The following PRDM11 variants were observed in gnomAD, a reference collection of about 807,000 sequenced individuals.
PRDM11 encodes PR domain-containing protein 11.
PRDM11 carries 20 observed loss-of-function variants against 97.8 expected under a neutral mutation model. The observed-to-expected ratio is 0.20, with a 90% confidence interval of 0.14 to 0.30. The LOEUF (loss-of-function observed/expected upper bound fraction) is 0.30, where lower values mean the gene tolerates loss of function less well. Ranked by LOEUF, PRDM11 falls within the 10% of genes least tolerant of loss-of-function variation. The probability of loss-of-function intolerance (pLI) is 1.00; values close to 1 mark genes in which losing one functional copy is unlikely to be tolerated. For missense variants in PRDM11, 1,139 were observed against 1,555.2 expected (o/e 0.73, Z 4.50); for synonymous variants, 599 against 637.7 (o/e 0.94, Z 0.91).
intron 4 of PRDM11, among the ~76,000 whole-genome samples, chr11:45,197,491 TA>T (rs1431589329): frequency 6.6e-6 from 1 of 152,024 alleles, no homozygotes; most frequent in Admixed American, 6.6e-5. Flanking sequence ...GATCTTATGT[TA>T]AGTATTATCA....
At position 45,219,448 on chromosome 11, in the gene PRDM11, C is replaced by A; in HGVS notation, c.555-122C>A. The A allele has an allele frequency of 1.0e-6, 1 of 960,864 alleles. No individual in the cohort carries two copies. The highest frequency in any genetic ancestry group is 1.5e-6 in the Non-Finnish European group (1 of 650,720). 59.5% of individuals were successfully genotyped at this position (960,864 alleles called of 1,614,324 possible). A position where few individuals can be genotyped will look rare whatever the true frequency, so the allele number is the denominator to read the frequency against. ...ACAGGGCAGCTGCTCTGCTGATGTT[C>A]ACATGGGCCCACGTGCCTGTGGACT... On this transcript the variant is annotated intron_variant, in intron 5 of 7. Transcript: ENST00000683152. This position sits in a 1 kb window ranked among gnomAD's most constrained non-coding sequence, Gnocchi z 4.2.
chr11:45,109,572 G>C (rs975380047), intron 1 of PRDM11, among the ~76,000 whole-genome samples: 3 of 152,196 alleles, frequency 2.0e-5, no homozygotes, highest in African/African-American at 7.2e-5. Context: ...ATCCTGCGGA[G>C]GAGGGAGAGT....
intron 1 of PRDM11, among the ~76,000 whole-genome samples, chr11:45,113,809 TGTGTGTGTGTGTGTGTTTTG>T (rs1852238768): frequency 7.0e-6 from 1 of 142,606 alleles, no homozygotes; most frequent in African/African-American, 2.6e-5. Context: ...TGTGTGTGTG[TGTGTGTGTGTGTGTGTTTTG>T]TTTTTTTTTT....
intron 6 of PRDM11, 84 bp from the exon 7 acceptor site, chr11:45,224,133 A>T: frequency 6.8e-7 from 1 of 1,460,258 alleles, no homozygotes; most frequent in South Asian, 1.4e-5. Flanking sequence ...CAGGTGACCT[A>T]ACAGGAGGCC....
intron 4 of PRDM11, among the ~76,000 whole-genome samples, chr11:45,186,012 A>G (rs1240431721): frequency 1.3e-5 from 2 of 152,000 alleles, no homozygotes; most frequent in African/African-American, 2.4e-5. Context: ...CAAGGGATGC[A>G]GGCAGCTTCT....
At chr11:45,216,352 T>C (rs1404694389) in intron 5 of PRDM11, 3 of 152,300 alleles carry the variant, frequency 2.0e-5, no homozygotes, top group Non-Finnish European at 4.4e-5. Flanking sequence ...AGTGGATAGA[T>C]TTTGCCCCTC....
intron 4 of PRDM11, among the ~76,000 whole-genome samples, chr11:45,199,925 A>G (rs900319194): frequency 6.6e-6 from 1 of 152,192 alleles, no homozygotes; most frequent in Non-Finnish European, 1.5e-5. Flanking sequence ...TCCCAGGTCC[A>G]GGGCTGCAGC....
chr11:45,136,425 C>T (rs2135658315), intron 1 of PRDM11, among the ~76,000 whole-genome samples: 1 of 152,224 alleles, frequency 6.6e-6, no homozygotes, highest in Middle Eastern at 3.4e-3. Context: ...ACACAAAATC[C>T]ACCTTGGATA....
chr11:45,187,849 A>G (rs536979799), intron 4 of PRDM11, among the ~76,000 whole-genome samples: 1 of 150,106 alleles, frequency 6.7e-6, no homozygotes, highest in Non-Finnish European at 1.5e-5. Flanking sequence ...TGTGTTGGGC[A>G]TGGGTTTTTG....
chr11:45,139,772 T>G (rs1253029731), intron 1 of PRDM11, among the ~76,000 whole-genome samples: 1 of 152,110 alleles, frequency 6.6e-6, no homozygotes, highest in African/African-American at 2.4e-5. Context: ...TGCCTATGTG[T>G]TGGTCTTCCT....
Position 45,226,979 on chromosome 11 carries a change from A to G in PRDM11, c.2354A>G (p.Glu785Gly). The change falls in exon 8 of 8, where the codon GAG becomes GGG. Residue 785 changes from glutamate (E) to glycine (G), a missense_variant. Physicochemically the swap from Glu to Gly is moderately conservative, Grantham distance 98. Coordinates refer to ENST00000683152, the MANE Select transcript of PRDM11 (RefSeq NM_001384648.1). ...GAGCTCCCATGCCTGGAGGAGCTGG[A>G]GAACAACCTGAAGCAGCTGCTGAGC... Reference protein sequence around the residue: ...GKELPCLEELENNLKQLLSFY... With the variant: ...GKELPCLEELGNNLKQLLSFY... 6.5e-7 allele frequency: 1 copy of G among 1,533,934 alleles called. No homozygotes were observed. The highest frequency in any genetic ancestry group is 8.7e-7 in the Non-Finnish European group (1 of 1,146,716).
At chr11:45,162,321 G>C (rs888136904) in intron 1 of PRDM11, among the ~76,000 whole-genome samples, 2 of 152,232 alleles carry the variant, frequency 1.3e-5, no homozygotes, top group Middle Eastern at 3.4e-3. Context: ...CAGGGAGGCA[G>C]GTGAGCAGCC....
chr11:45,207,362 C>T (rs1349504468), intron 5 of PRDM11, among the ~76,000 whole-genome samples: 1 of 152,210 alleles, frequency 6.6e-6, no homozygotes, highest in East Asian at 1.9e-4. Context: ...TTGAGCTTAT[C>T]TTTATGACAG....
At chr11:45,107,042 T>C (rs1279251392) in intron 1 of PRDM11, among the ~76,000 whole-genome samples, 1 of 152,122 alleles carries the variant, frequency 6.6e-6, no homozygotes, top group Non-Finnish European at 1.5e-5. Context: ...TGTCTGTGAG[T>C]GGGGTGGGTT....
At chr11:45,134,693 T>A (rs1283353172) in intron 1 of PRDM11, among the ~76,000 whole-genome samples, 7 of 49,994 alleles carry the variant, frequency 1.4e-4, no homozygotes, top group Middle Eastern at 0.029. Context: ...AGTGAGACCC[T>A]GTCTCACGAA....
intron 1 of PRDM11, among the ~76,000 whole-genome samples, chr11:45,105,398 G>A (rs1009443080): frequency 6.6e-6 from 1 of 152,244 alleles, no homozygotes; most frequent in Non-Finnish European, 1.5e-5. Context: ...CATCTAGTGA[G>A]AACCCTCATC....
intron 3 of PRDM11, among the ~76,000 whole-genome samples, 197 bp downstream of exon 3, chr11:45,182,546 A>T (rs901293553): frequency 6.6e-6 from 1 of 152,170 alleles, no homozygotes; most frequent in Non-Finnish European, 1.5e-5. Flanking sequence ...TAGCACACTG[A>T]GTCTTGGTGA....
intron 1 of PRDM11, among the ~76,000 whole-genome samples, chr11:45,099,451 A>T (rs1851935751): frequency 3.5e-5 from 2 of 56,524 alleles, no homozygotes; most frequent in South Asian, 8.7e-4. Context: ...ACTCCATCTT[A>T]AAAAAAAAAA....
At chr11:45,120,775 T>A (rs1483945894) in intron 1 of PRDM11, among the ~76,000 whole-genome samples, 1 of 152,074 alleles carries the variant, frequency 6.6e-6, no homozygotes, top group Non-Finnish European at 1.5e-5. Context: ...AATAAGTATG[T>A]AGGTAAACAT....
Sources: allele counts gnomAD v4.1 joint callset (sites outside exome capture counted in the v4.1 genomes callset), GRCh38; gene constraint gnomAD v4.1.1; non-coding constraint Gnocchi (gnomAD v3.1); transcripts MANE v1.5; gene names NCBI Gene and HGNC (gene_info 2026-07-23, HGNC 2026-07-21).